SNTG2: variants seen among roughly 807,000 people sequenced by gnomAD.
The protein encoded by SNTG2 is syntrophin gamma 2.
SNTG2 carries 74 observed loss-of-function variants against 70.9 expected under a neutral mutation model. That is an observed-to-expected ratio of 1.04 (90% CI 0.86 to 1.27). SNTG2 has a LOEUF of 1.27. Ranked by LOEUF, SNTG2 falls within the 50% of genes most tolerant of loss-of-function variation. The pLI is 0.00. For missense variants in SNTG2, 717 were observed against 690.7 expected, an observed-to-expected ratio of 1.04 and a Z score of -0.43; for synonymous variants, 278 against 273.8, an observed-to-expected ratio of 1.02 and a Z score of -0.15.
At chr2:1,002,015 AG>A (rs1222643047) in intron 1 of SNTG2, among the ~76,000 whole-genome samples, 1 of 152,154 alleles carries the variant, frequency 6.6e-6, no homozygotes, top group Non-Finnish European at 1.5e-5. Flanking sequence ...CACTAATGTA[AG>A]GATACCCTAT....
intron 4 of SNTG2, among the ~76,000 whole-genome samples, chr2:1,123,136 A>G (rs1389788990): frequency 6.6e-6 from 1 of 152,170 alleles, no homozygotes; most frequent in Non-Finnish European, 1.5e-5. Context: ...TAAAATATCT[A>G]TGAGCCAAAG....
At chr2:978,011 A>G (rs533605152) in intron 1 of SNTG2, among the ~76,000 whole-genome samples, 1 of 152,346 alleles carries the variant, frequency 6.6e-6, no homozygotes, top group Non-Finnish European at 1.5e-5. Flanking sequence ...CAAAATCAGT[A>G]CTTCTCTTGT....
At chr2:1,183,241 TATCTA>T (rs79048198) in intron 8 of SNTG2, among the ~76,000 whole-genome samples, 47,580 of 151,766 alleles carry the variant, frequency 0.31, 7,978 homozygotes, top group East Asian at 0.65. Context: ...ACAATGTTGC[TATCTA>T]ATCTAATGAT....
At chr2:1,031,786 G>T (rs1256661090) in intron 1 of SNTG2, among the ~76,000 whole-genome samples, 1 of 151,896 alleles carries the variant, frequency 6.6e-6, no homozygotes, top group African/African-American at 2.4e-5. Context: ...AGAGAAGCCA[G>T]ATGGAAAAGA....
At position 1,122,923 on chromosome 2, in the gene SNTG2, AAG is replaced by A. The variant is rs547150850; in HGVS notation, c.326-14697_326-14696del. ...TGTCATACACAAATAATAGCTGAAA[AAG>A]AAATCAAAACAATCCCATTTATTAA... is the stretch of plus-strand genomic sequence containing the variant. On this transcript the variant is annotated intron_variant, in intron 4 of 16. Coordinates refer to ENST00000308624, the MANE Select transcript of SNTG2 (RefSeq NM_018968.4). 1.7e-4 allele frequency among the ~76,000 whole-genome samples: 19 copies of A among 113,488 alleles called. No individual in the cohort carries two copies. In the South Asian group the frequency reaches 6.2e-3, roughly 37 times the overall value. The allele number at this position is 113,488 out of a possible 152,430, so 74.5% of individuals were successfully genotyped here. A position where few individuals can be genotyped will look rare whatever the true frequency, so the allele number is the denominator to read the frequency against.
Position 1,367,584 on chromosome 2 carries a change from T to A in SNTG2, c.*110T>A. 2 of 1,316,856 alleles carry A rather than the reference T, an allele frequency of 1.5e-6. No individual in the cohort carries two copies. The highest frequency in any genetic ancestry group is 2.1e-6 in the Non-Finnish European group (2 of 974,148). 81.6% of individuals were successfully genotyped at this position (1,316,856 alleles called of 1,614,324 possible). A position where few individuals can be genotyped will look rare whatever the true frequency, so the allele number is the denominator to read the frequency against. Reference sequence around the variant, plus strand: ...TTTTATGATGAGCCTATAGTTGTGATACCAATAAAACATGTCACTAGTTTC... The same window carrying A: ...TTTTATGATGAGCCTATAGTTGTGAAACCAATAAAACATGTCACTAGTTTC... On this transcript the variant is annotated 3_prime_UTR_variant, in exon 17 of 17. Coordinates refer to ENST00000308624, the MANE Select transcript of SNTG2 (RefSeq NM_018968.4).
At chr2:999,807 A>G (rs564499295) in intron 1 of SNTG2, among the ~76,000 whole-genome samples, 1 of 152,120 alleles carries the variant, frequency 6.6e-6, no homozygotes, top group South Asian at 2.1e-4. Flanking sequence ...ATTCTACTCA[A>G]CAACTGCAGA....
At chr2:962,788 C>T (rs1660395556) in intron 1 of SNTG2, among the ~76,000 whole-genome samples, 1 of 152,130 alleles carries the variant, frequency 6.6e-6, no homozygotes, top group South Asian at 2.1e-4. Flanking sequence ...TGAGCCCTGT[C>T]CTGGCTTCTA....
chr2:1,261,321 GAACT>G (rs1259576508), intron 13 of SNTG2, among the ~76,000 whole-genome samples: 2 of 152,096 alleles, frequency 1.3e-5, no homozygotes, highest in Admixed American at 6.5e-5. Context: ...AGTATCATAA[GAACT>G]AATACTTTTT....
chr2:1,232,702 A>G (rs1301737830), intron 9 of SNTG2, among the ~76,000 whole-genome samples: 1 of 152,246 alleles, frequency 6.6e-6, no homozygotes, highest in Non-Finnish European at 1.5e-5. Flanking sequence ...ACTGCATGAC[A>G]GGGAAGTAGA....
At chr2:1,204,134 G>T (rs910663125) in intron 8 of SNTG2, among the ~76,000 whole-genome samples, 6 of 152,162 alleles carry the variant, frequency 3.9e-5, no homozygotes, top group Non-Finnish European at 7.4e-5. Flanking sequence ...GGGCTGGAGG[G>T]ATTGCCTGCA....
At chr2:1,050,085 A>G (rs573620622) in intron 1 of SNTG2, among the ~76,000 whole-genome samples, 1 of 152,196 alleles carries the variant, frequency 6.6e-6, no homozygotes, top group South Asian at 2.1e-4. Context: ...GGAGTTCTTT[A>G]CATGTTATAT....
chr2:1,281,233 GGTGTGGT>G (rs1558175730), intron 14 of SNTG2, among the ~76,000 whole-genome samples: 4 of 4,282 alleles, frequency 9.3e-4, no homozygotes, highest in East Asian at 7.2e-3. Flanking sequence ...GTGTTTATGT[GGTGTGGT>G]GTGTGGTGTG....
chr2:1,222,037 G>C (rs1553362138), intron 9 of SNTG2, among the ~76,000 whole-genome samples: 90 of 3,978 alleles, frequency 0.023, 21 homozygotes, highest in Non-Finnish European at 0.035. Flanking sequence ...GCCTATCTCT[G>C]TCTCTCTCTG....
intron 1 of SNTG2, among the ~76,000 whole-genome samples, chr2:990,527 A>G (rs1207145396): frequency 6.6e-6 from 1 of 152,204 alleles, no homozygotes; most frequent in Non-Finnish European, 1.5e-5. Flanking sequence ...CACAGATCAC[A>G]TGAGGAGGCT....
chr2:1,128,719 C>T (rs1667850781), intron 4 of SNTG2, among the ~76,000 whole-genome samples: 1 of 151,812 alleles, frequency 6.6e-6, no homozygotes, highest in Non-Finnish European at 1.5e-5. Flanking sequence ...GAAACTAGGA[C>T]TTCTGCTTGG....
At chr2:1,229,298 G>A (rs531538012) in intron 9 of SNTG2, among the ~76,000 whole-genome samples, 2 of 89,194 alleles carry the variant, frequency 2.2e-5, no homozygotes, top group South Asian at 5.2e-4. Flanking sequence ...GGTTCTCCAC[G>A]TTCCCATCAG....
At chr2:1,227,530 C>T (rs924674084) in intron 9 of SNTG2, among the ~76,000 whole-genome samples, 3 of 152,212 alleles carry the variant, frequency 2.0e-5, no homozygotes, top group African/African-American at 7.2e-5. Context: ...AGCCTTTGAG[C>T]TCGTCCGCTC....
At chr2:980,411 T>C (rs1254198280) in intron 1 of SNTG2, among the ~76,000 whole-genome samples, 1 of 152,234 alleles carries the variant, frequency 6.6e-6, no homozygotes, top group Non-Finnish European at 1.5e-5. Flanking sequence ...TGGAAGATAG[T>C]ACTAGAAGGA....
Sources: allele counts gnomAD v4.1 joint callset (sites outside exome capture counted in the v4.1 genomes callset), GRCh38; gene constraint gnomAD v4.1.1; transcripts MANE v1.5; gene names NCBI Gene and HGNC (gene_info 2026-07-23, HGNC 2026-07-21).